Variants in SLF1 observed in about 807,000 individuals in gnomAD.
SLF1 encodes the protein SMC5-SMC6 complex localization factor protein 1.
In SLF1, 105 loss-of-function variants were observed where a neutral mutation model predicts 123.0. That is an observed-to-expected ratio of 0.85 (90% CI 0.73 to 1.00). The LOEUF is 1.00. Ranked by LOEUF, SLF1 falls within the 50% of genes least tolerant of loss-of-function variation. SLF1 has a pLI of 0.00. For synonymous variants in SLF1, 434 were observed against 406.6 expected (o/e 1.07, Z -0.81); for missense variants, 1,239 against 1,223.0 (o/e 1.01, Z -0.20).
chr5:94,652,544 T>C (rs1318099253), intron 7 of SLF1, among the ~76,000 whole-genome samples: 2 of 152,260 alleles, frequency 1.3e-5, no homozygotes, highest in Non-Finnish European at 2.9e-5. Context: ...GCCACAATTA[T>C]ATCTTTTATC....
rs568025074 is a variant in SLF1, at chr5:94,627,656, A to T, written c.1-1155A>T. Among the ~76,000 whole-genome samples, 49 of 142,942 alleles carry T rather than the reference A, an allele frequency of 3.4e-4. 1 individual carries two copies. The South Asian group carries it at 6.3e-3, about 18-fold the overall frequency. The allele number at this position is 142,942 out of a possible 152,430, so 93.8% of individuals were successfully genotyped here. ...GAAATATGGATTGCAAATAGGATCTAGGATTATTATGTGTACCCACTTTAC... is the reference window on the plus strand; with the variant it reads ...GAAATATGGATTGCAAATAGGATCTTGGATTATTATGTGTACCCACTTTAC... On this transcript the variant is annotated intron_variant, in intron 1 of 20. Coordinates refer to ENST00000265140, the MANE Select transcript of SLF1 (RefSeq NM_032290.4).
intron 5 of SLF1, among the ~76,000 whole-genome samples, chr5:94,644,023 G>A (rs1218852022): frequency 6.6e-6 from 1 of 152,040 alleles, no homozygotes; most frequent in Non-Finnish European, 1.5e-5. Flanking sequence ...TTATGTCAGA[G>A]ATCTGGAAAT....
At chr5:94,674,688 G>A (rs1400827047) in intron 14 of SLF1, among the ~76,000 whole-genome samples, 1 of 152,060 alleles carries the variant, frequency 6.6e-6, no homozygotes, top group African/African-American at 2.4e-5. Context: ...ATATTGTTTT[G>A]TCATAATGTC....
At chr5:94,636,641 T>C (rs1745811445) in intron 4 of SLF1, among the ~76,000 whole-genome samples, 1 of 151,992 alleles carries the variant, frequency 6.6e-6, no homozygotes, top group Non-Finnish European at 1.5e-5. Context: ...GTCAGACTTC[T>C]TGTTTTGTTC....
At chr5:94,642,650 C>T (rs944179329) in intron 4 of SLF1, among the ~76,000 whole-genome samples, 1 of 152,102 alleles carries the variant, frequency 6.6e-6, no homozygotes, top group African/African-American at 2.4e-5. Flanking sequence ...TCTCTTGTGG[C>T]TTTCTAAAGC....
At position 94,630,529 on chromosome 5, in the gene SLF1, A is replaced by G. The variant is rs573287832; in HGVS notation, c.217A>G (p.Ile73Val). 8.4e-6 allele frequency: 13 copies of G among 1,551,618 alleles called. No individual in the cohort carries two copies. The African/African-American group carries it at 1.1e-4, about 13-fold the overall frequency. Residue 73 changes from isoleucine to valine, a missense_variant, in exon 4 of 21, where the codon ATA becomes GTA. Ile to Val is a conservative substitution (Grantham distance 29, BLOSUM62 3). Transcript: ENST00000265140. ...AGKWILTKDYIIHSAKSGRWL... is the reference protein window; with the variant it reads ...AGKWILTKDYVIHSAKSGRWL... Reference sequence around the variant, plus strand: ...AAAGTGGATACTAACCAAGGACTATATAATTCATAGTGCCAAAAGTGGCAG... The same window carrying G: ...AAAGTGGATACTAACCAAGGACTATGTAATTCATAGTGCCAAAAGTGGCAG...
At chr5:94,638,995 A>G (rs1746127396) in intron 4 of SLF1, among the ~76,000 whole-genome samples, 1 of 143,556 alleles carries the variant, frequency 7.0e-6, no homozygotes, top group African/African-American at 2.6e-5. Context: ...TAAATCTAGT[A>G]TCTTGCTGTT....
chr5:94,652,521 ATTGT>A (rs1747858702), intron 7 of SLF1, among the ~76,000 whole-genome samples: 1 of 152,112 alleles, frequency 6.6e-6, no homozygotes, highest in African/African-American at 2.4e-5. Context: ...ATAAAATTTT[ATTGT>A]TTGACTATGC....
chr5:94,665,971 T>A lies in SLF1; in HGVS notation c.1479T>A (p.Phe493Leu). The change falls in exon 12 of 21, where the codon TTT becomes TTA. Residue 493 changes from phenylalanine to leucine, a missense_variant. Phe to Leu is a conservative substitution (Grantham distance 22). Coordinates refer to ENST00000265140, the MANE Select transcript of SLF1 (RefSeq NM_032290.4). ...TGTCGAGATATTATTTAGAGTTGTTTCAGTGTCCAACTTGTATGAAAGGAG... is the reference window on the plus strand; with the variant it reads ...TGTCGAGATATTATTTAGAGTTGTTACAGTGTCCAACTTGTATGAAAGGAG... The part of the protein sequence containing the change: ...PAMSRYYLEL[F>L]QCPTCMKGAW... 6.4e-7 allele frequency: 1 copy of A among 1,551,466 alleles called. No homozygotes were observed. The highest frequency in any genetic ancestry group is 8.7e-7 in the Non-Finnish European group (1 of 1,146,836).
chr5:94,692,241 C>T lies in SLF1; in HGVS notation c.2680C>T (p.Leu894=). Residue 894 remains leucine, a synonymous_variant, in exon 20 of 21, where the codon CTA becomes TTA. Coordinates refer to ENST00000265140, the MANE Select transcript of SLF1 (RefSeq NM_032290.4). ...SNGHVEIGKL[L]LQHGGPVLLQ... is the part of the protein sequence containing the mutation. Reference sequence around the variant, plus strand: ...CGGACATGTAGAAATTGGCAAGCTGCTACTACAGCATGGGGGTGAGTGTGT... The same window carrying T: ...CGGACATGTAGAAATTGGCAAGCTGTTACTACAGCATGGGGGTGAGTGTGT... 6.2e-7 allele frequency: 1 copy of T among 1,613,504 alleles called. No individual in the cohort carries two copies. Among genetic ancestry groups the T allele is most frequent in the Non-Finnish European group, 8.5e-7 (1 of 1,179,600 alleles).
chr5:94,662,355 AG>A lies in SLF1; in HGVS notation c.1209+8del. 6.5e-7 allele frequency: 1 copy of A among 1,544,004 alleles called. No homozygotes were observed. The highest frequency in any genetic ancestry group is 8.7e-7 in the Non-Finnish European group (1 of 1,142,944). The stretch of plus-strand genomic sequence containing the variant: ...ACAACCAGTGTACAACGTAGAGGTA[AG>A]GGGCTTGGAGCAGCATTGGTGATGG... On this transcript the variant is annotated splice_donor_5th_base_variant and intron_variant, in intron 10 of 20. Coordinates refer to ENST00000265140, the MANE Select transcript of SLF1 (RefSeq NM_032290.4).
chr5:94,633,278 C>A (rs547640121), intron 4 of SLF1, among the ~76,000 whole-genome samples: 2 of 152,172 alleles, frequency 1.3e-5, no homozygotes, highest in Non-Finnish European at 2.9e-5. Context: ...TGAACCACTG[C>A]GACCGGCCAC....
chr5:94,679,679 A>T (rs1751538796), intron 15 of SLF1, among the ~76,000 whole-genome samples: 1 of 152,206 alleles, frequency 6.6e-6, no homozygotes, highest in Non-Finnish European at 1.5e-5. Flanking sequence ...ACATGGATGA[A>T]GCAAACAGAA....
chr5:94,675,974 G>A (rs996854926), intron 14 of SLF1, among the ~76,000 whole-genome samples: 15 of 145,816 alleles, frequency 1.0e-4, no homozygotes, highest in African/African-American at 3.6e-4. Context: ...TTTTATATAA[G>A]GCTTCACTTT....
chr5:94,678,987 C>G (rs991833711), intron 15 of SLF1, 32 bp downstream of exon 15: 1 of 1,599,116 alleles, frequency 6.3e-7, no homozygotes, highest in Non-Finnish European at 8.5e-7. Context: ...TTTTTTCAGA[C>G]CCATTCTGGA....
chr5:94,658,452 G>GTTGTTT (rs2152482867), intron 9 of SLF1, among the ~76,000 whole-genome samples: 1 of 151,838 alleles, frequency 6.6e-6, no homozygotes, highest in Admixed American at 6.6e-5. Flanking sequence ...TGTTGTTGTT[G>GTTGTTT]TTGTTTTTTC....
rs1477484141 is a variant in SLF1, at chr5:94,630,504, A to G, written c.192A>G (p.Gly64=). ...SEKFLAACAA[G]KWILTKDYII... ...ACTGACAGCTCATTTGCTTTCTAGG[A>G]AAGTGGATACTAACCAAGGACTATA... is the stretch of plus-strand genomic sequence containing the variant. The change falls in exon 4 of 21, where the codon GGA becomes GGG. Residue 64 remains glycine (G), a splice_region_variant and synonymous_variant. Transcript: ENST00000265140. The G allele has an allele frequency of 3.9e-6, 6 of 1,541,634 alleles. No homozygotes were observed. In the African/African-American group the frequency reaches 5.5e-5, roughly 14 times the overall value.
chr5:94,665,987 A>G lies in SLF1; in HGVS notation c.1495A>G (p.Met499Val). Residue 499 changes from methionine to valine, a missense_variant, in exon 12 of 21, where the codon ATG becomes GTG. Physicochemically the swap from Met to Val is conservative, Grantham distance 21. Coordinates refer to ENST00000265140, the MANE Select transcript of SLF1 (RefSeq NM_032290.4). ...AGAGTTGTTTCAGTGTCCAACTTGT[A>G]TGAAAGGAGCATGGTCTTTAGTAGA... is the stretch of plus-strand genomic sequence containing the variant. ...YLELFQCPTC[M>V]KGAWSLVEVL... is the part of the protein sequence containing the mutation. The G allele has an allele frequency of 6.4e-7, 1 of 1,551,322 alleles. No homozygotes were observed. Among genetic ancestry groups the G allele is most frequent in the Non-Finnish European group, 8.7e-7 (1 of 1,146,878 alleles).
intron 8 of SLF1, among the ~76,000 whole-genome samples, chr5:94,653,940 G>A (rs889598120): frequency 5.9e-5 from 9 of 151,958 alleles, no homozygotes; most frequent in Admixed American, 4.6e-4. Flanking sequence ...GGAGGCCAAC[G>A]GGGCAGATTG....
Sources: allele counts gnomAD v4.1 joint callset (sites outside exome capture counted in the v4.1 genomes callset), GRCh38; gene constraint gnomAD v4.1.1; transcripts MANE v1.5; gene names NCBI Gene and HGNC (gene_info 2026-07-23, HGNC 2026-07-21).